MED20: variants seen among roughly 807,000 people sequenced by gnomAD.
The protein encoded by MED20 is mediator complex subunit 20.
Under a neutral mutation model 19.7 loss-of-function variants are expected in MED20, and 19 were observed. That is an observed-to-expected ratio of 0.96 (90% CI 0.67 to 1.42). The LOEUF is 1.42. MED20 is among the 40% of genes most tolerant of loss of function. The probability of loss-of-function intolerance (pLI) is 0.00; values close to 1 mark genes in which losing one functional copy is unlikely to be tolerated. For missense variants in MED20, 225 were observed against 273.0 expected (o/e 0.82, Z 1.24); for synonymous variants, 105 against 104.8 (o/e 1.00, Z -0.01).
intron 1 of MED20, among the ~76,000 whole-genome samples, chr6:41,920,001 G>A (rs1373106577): frequency 1.3e-5 from 2 of 152,124 alleles, no homozygotes; most frequent in East Asian, 3.8e-4. Flanking sequence ...CAAATATCCT[G>A]GCCTCCGGAT....
At chr6:41,918,879 G>A (rs1418156084) in intron 1 of MED20, among the ~76,000 whole-genome samples, 2 of 148,774 alleles carry the variant, frequency 1.3e-5, no homozygotes, top group Non-Finnish European at 3.0e-5. Context: ...CCCGGGAAGC[G>A]GAGCTTGCAG....
intron 2 of MED20, among the ~76,000 whole-genome samples, chr6:41,910,018 A>G (rs1775152054): frequency 6.6e-6 from 1 of 152,184 alleles, no homozygotes; most frequent in Admixed American, 6.5e-5. Flanking sequence ...CTATGGAAGC[A>G]GCAAAGGGGA....
At chr6:41,920,220 T>C (rs1327826107) in intron 1 of MED20, among the ~76,000 whole-genome samples, 1 of 152,140 alleles carries the variant, frequency 6.6e-6, no homozygotes, top group Non-Finnish European at 1.5e-5. Flanking sequence ...GGGAAACGGG[T>C]CCTAAAGAGA....
rs1236806447 is a variant in MED20 at position 41,906,093 on chromosome 6, T to C, written c.*979A>G. ...CTCAGCAACCAAATTGTCTTTCATC[T>C]TGTAGTCACAGAATCCCTGAGTTTT... On this transcript the variant is annotated 3_prime_UTR_variant, in exon 4 of 4. Transcript: ENST00000265350. 1 of 152,264 alleles carries C rather than the reference T, an allele frequency of 6.6e-6. No individual in the cohort carries two copies. Among genetic ancestry groups the C allele is most frequent in the Non-Finnish European group, 1.5e-5 (1 of 68,052 alleles). 9.4% of individuals were successfully genotyped at this position (152,264 alleles called of 1,614,324 possible).
chr6:41,908,254 T>C (rs1045962223), intron 3 of MED20, among the ~76,000 whole-genome samples: 2 of 152,232 alleles, frequency 1.3e-5, no homozygotes, highest in African/African-American at 4.8e-5. Context: ...TCAGCCTCAC[T>C]CTTAATAAAT....
At chr6:41,917,063 G>T in intron 1 of MED20, 124 bp from the exon 2 acceptor site, 2 of 1,024,022 alleles carry the variant, frequency 2.0e-6, no homozygotes, top group East Asian at 2.6e-5. Flanking sequence ...TACCTACTCT[G>T]ACCGTCTCCC....
intron 1 of MED20, chr6:41,917,743 A>G (rs1775352204): frequency 4.3e-6 from 2 of 470,470 alleles, no homozygotes; most frequent in South Asian, 3.1e-5. Flanking sequence ...CAACTCTTTC[A>G]GTTCTGACTA....
At chr6:41,917,553 G>A in intron 1 of MED20, 3 of 327,340 alleles carry the variant, frequency 9.2e-6, no homozygotes, top group South Asian at 6.9e-5. Flanking sequence ...AGGAATAGAG[G>A]ACCACAGTCC....
chr6:41,909,919 T>G, intron 2 of MED20, among the ~76,000 whole-genome samples: 1 of 152,204 alleles, frequency 6.6e-6, no homozygotes, highest in East Asian at 1.9e-4. Flanking sequence ...TAACAGCATT[T>G]GGGCATGCCA....
rs1021760853 is a variant in MED20, at chr6:41,909,261, G to A, written c.423+8C>T. On this transcript the variant is annotated splice_region_variant and intron_variant, in intron 3 of 3. Coordinates refer to ENST00000265350, the MANE Select transcript of MED20 (RefSeq NM_004275.5). ...AACATCCTGCTCCTATTTTCACCAA[G>A]GTCTTACCTCCACAGAGATGCCCCG... 9.9e-6 allele frequency: 16 copies of A among 1,612,214 alleles called. No homozygotes were observed. Among genetic ancestry groups the A allele is most frequent in the Non-Finnish European group, 8.5e-7 (1 of 1,178,784 alleles).
intron 1 of MED20, chr6:41,917,396 T>C (rs917036751): frequency 1.7e-5 from 3 of 174,888 alleles, no homozygotes; most frequent in Non-Finnish European, 3.7e-5. Flanking sequence ...CGAGACGCCA[T>C]CTTAAAAAAA....
At chr6:41,910,707 A>T (rs1775171914) in intron 2 of MED20, among the ~76,000 whole-genome samples, 1 of 151,968 alleles carries the variant, frequency 6.6e-6, no homozygotes, top group Non-Finnish European at 1.5e-5. Context: ...GAATTAATGG[A>T]TAGACTGCCA....
Position 41,917,647 on chromosome 6 carries a change from A to G in MED20, c.15-708T>C, listed in dbSNP as rs1775348851. 25 of 413,150 alleles carry G rather than the reference A, an allele frequency of 6.1e-5. 2 individuals carry two copies. Among genetic ancestry groups the G allele is most frequent in the South Asian group, 4.3e-4 (25 of 57,858 alleles). 25.6% of individuals were successfully genotyped at this position (413,150 alleles called of 1,614,324 possible). ...AACTTCCTATCACAGGGCGTTCTCA[A>G]GTGTGGCATGCCAAAGATTCTAGAT... On this transcript the variant is annotated intron_variant, in intron 1 of 3. Coordinates refer to ENST00000265350, the MANE Select transcript of MED20 (RefSeq NM_004275.5).
chr6:41,907,901 C>T (rs1226681993), intron 3 of MED20, among the ~76,000 whole-genome samples: 2 of 152,076 alleles, frequency 1.3e-5, no homozygotes, highest in Non-Finnish European at 2.9e-5. Context: ...AGTAAAGAAA[C>T]AGGTGGAGTG....
At chr6:41,912,673 A>T (rs1262614439) in intron 2 of MED20, among the ~76,000 whole-genome samples, 1 of 152,070 alleles carries the variant, frequency 6.6e-6, no homozygotes, top group Non-Finnish European at 1.5e-5. Context: ...CGTATTTTCT[A>T]TCACAGCAAA....
At chr6:41,920,127 T>C (rs1287470312) in intron 1 of MED20, among the ~76,000 whole-genome samples, 1 of 152,144 alleles carries the variant, frequency 6.6e-6, no homozygotes, top group South Asian at 2.1e-4. Flanking sequence ...CCCTGCCACC[T>C]CATCTTCTTT....
At chr6:41,908,943 G>A (rs537486150) in intron 3 of MED20, 15 of 377,392 alleles carry the variant, frequency 4.0e-5, no homozygotes, top group Non-Finnish European at 6.6e-5. Context: ...AGCACTTTGG[G>A]GGGCTGAGAT....
intron 2 of MED20, chr6:41,912,860 A>G (rs1775230026): frequency 6.6e-6 from 1 of 152,080 alleles, no homozygotes. Context: ...TAATCTCAAC[A>G]CTTCAGGAGG....
chr6:41,920,968 T>TC, intron 1 of MED20, 37 bp downstream of exon 1: 1 of 1,603,260 alleles, frequency 6.2e-7, no homozygotes. Context: ...CTTTCACAAC[T>TC]CCAAGCCCCG....
Sources: allele counts gnomAD v4.1 joint callset (sites outside exome capture counted in the v4.1 genomes callset), GRCh38; gene constraint gnomAD v4.1.1; transcripts MANE v1.5; gene names NCBI Gene and HGNC (gene_info 2026-07-23, HGNC 2026-07-21).